The following MRPL13 variants were observed in gnomAD, a reference collection of about 807,000 sequenced individuals.
The protein encoded by MRPL13 is large ribosomal subunit protein uL13m.
In MRPL13, 33 loss-of-function variants were observed where a neutral mutation model predicts 29.0. That is an observed-to-expected ratio of 1.14 (90% CI 0.86 to 1.52). The LOEUF (loss-of-function observed/expected upper bound fraction) is 1.52. Ranked by LOEUF, MRPL13 falls within the 40% of genes most tolerant of loss-of-function variation. The pLI is 0.00. For missense variants in MRPL13, 227 were observed against 216.7 expected (o/e 1.05, Z -0.30); for synonymous variants, 77 against 68.4 (o/e 1.13, Z -0.62).
chr8:120,412,799 C>A (rs1812754625), intron 6 of MRPL13, among the ~76,000 whole-genome samples: 1 of 152,186 alleles, frequency 6.6e-6, no homozygotes, highest in Non-Finnish European at 1.5e-5. Context: ...CAAGAAGGGG[C>A]ATTCCAGCAG....
Position 120,419,860 on chromosome 8 carries a change from GA to G in MRPL13, c.384del (p.Pro129GlnfsTer13). The G allele has an allele frequency of 6.3e-7, 1 of 1,589,542 alleles. No homozygotes were observed. The highest frequency in any genetic ancestry group is 1.8e-5 in the Admixed American group (1 of 56,996). ...AATGACCACTGACTTACCTCATCTG[GA>G]AAAAGATGCAACCTTTCCATCATTG... ...RRTMMERLHL[F>X]PDEYIPEDIL... is the part of the protein sequence containing the mutation. On this transcript the variant is annotated frameshift_variant, in exon 5 of 7. Transcript: ENST00000306185. LOFTEE classifies it high-confidence loss of function.
intron 6 of MRPL13, among the ~76,000 whole-genome samples, chr8:120,406,555 ATGTGTGTGTGTGTG>A (rs72150915): frequency 4.1e-5 from 6 of 147,088 alleles, no homozygotes; most frequent in East Asian, 2.0e-4. Flanking sequence ...ATATGTGTGC[ATGTGTGTGTGTGTG>A]TGTGTGTGTG....
intron 2 of MRPL13, among the ~76,000 whole-genome samples, chr8:120,438,198 C>G (rs12546191): frequency 6.6e-6 from 1 of 151,756 alleles, no homozygotes; most frequent in Non-Finnish European, 1.5e-5. Flanking sequence ...CATGTCTCTA[C>G]GAAAACTACA....
At chr8:120,442,456 T>A (rs2130489716) in intron 2 of MRPL13, among the ~76,000 whole-genome samples, 2 of 152,310 alleles carry the variant, frequency 1.3e-5, no homozygotes, top group Admixed American at 1.3e-4. Flanking sequence ...ACCATTATAA[T>A]TGTTATGGTT....
intron 4 of MRPL13, among the ~76,000 whole-genome samples, chr8:120,423,519 T>C (rs538798828): frequency 2.2e-4 from 33 of 152,054 alleles, no homozygotes; most frequent in African/African-American, 7.2e-4. Context: ...AAAGAAACAA[T>C]TAAATCGACA....
intron 1 of MRPL13, 47 bp downstream of exon 1, chr8:120,445,018 CCTT>C (rs1156255786): frequency 6.2e-7 from 1 of 1,613,342 alleles, no homozygotes; most frequent in South Asian, 1.1e-5. Flanking sequence ...CCAACGCTCT[CCTT>C]CTGCCAGTAT....
At chr8:120,420,361 A>C (rs1454796428) in intron 4 of MRPL13, among the ~76,000 whole-genome samples, 3 of 150,760 alleles carry the variant, frequency 2.0e-5, no homozygotes, top group Non-Finnish European at 4.4e-5. Flanking sequence ...TACATGCAAA[A>C]GCTAATGGGT....
intron 5 of MRPL13, among the ~76,000 whole-genome samples, chr8:120,417,278 T>G (rs1176027159): frequency 6.6e-6 from 1 of 152,200 alleles, no homozygotes; most frequent in African/African-American, 2.4e-5. Context: ...TCCACCAGAT[T>G]TTATTAATGT....
chr8:120,403,886 C>T (rs1455603839), intron 6 of MRPL13, among the ~76,000 whole-genome samples: 2 of 152,124 alleles, frequency 1.3e-5, no homozygotes, highest in African/African-American at 4.8e-5. Context: ...TATTATTAAA[C>T]TCTGAGCAAC....
At chr8:120,404,841 C>T (rs940922839) in intron 6 of MRPL13, among the ~76,000 whole-genome samples, 4 of 152,136 alleles carry the variant, frequency 2.6e-5, no homozygotes, top group African/African-American at 7.2e-5. Context: ...AATTTGACTC[C>T]GGTGCTTGCA....
intron 6 of MRPL13, among the ~76,000 whole-genome samples, chr8:120,402,228 C>T (rs1586916955): frequency 6.6e-6 from 1 of 152,232 alleles, no homozygotes; most frequent in East Asian, 1.9e-4. Flanking sequence ...GCTGAAGGCA[C>T]TTCGCTACCC....
intron 6 of MRPL13, among the ~76,000 whole-genome samples, chr8:120,396,817 T>A (rs1221560909): frequency 6.6e-6 from 1 of 152,230 alleles, no homozygotes; most frequent in Non-Finnish European, 1.5e-5. Context: ...GTGTTGGGTT[T>A]CCATATGGAA....
At chr8:120,410,216 T>C (rs1707463911) in intron 6 of MRPL13, among the ~76,000 whole-genome samples, 1 of 152,212 alleles carries the variant, frequency 6.6e-6, no homozygotes. Flanking sequence ...CAAGCTATTT[T>C]TGTGGCTATA....
At chr8:120,404,397 A>G (rs1281289971) in intron 6 of MRPL13, among the ~76,000 whole-genome samples, 1 of 152,234 alleles carries the variant, frequency 6.6e-6, no homozygotes, top group East Asian at 1.9e-4. Flanking sequence ...ATAATCCACC[A>G]CATAAAGGAA....
At chr8:120,420,743 T>C (rs546160166) in intron 4 of MRPL13, among the ~76,000 whole-genome samples, 18 of 151,788 alleles carry the variant, frequency 1.2e-4, no homozygotes, top group Non-Finnish European at 2.1e-4. Context: ...AAGACTATCT[T>C]TTCTGGATAA....
At chr8:120,437,664 C>G (rs1048990639) in intron 2 of MRPL13, among the ~76,000 whole-genome samples, 1 of 152,084 alleles carries the variant, frequency 6.6e-6, no homozygotes, top group Admixed American at 6.6e-5. Flanking sequence ...GTTCCACATC[C>G]TTTCTACCTT....
chr8:120,413,987 T>C lies in MRPL13; in HGVS notation c.515+4A>G. ...AAAAAAACAAGAAGAAGGGAAACAC[T>C]TACGGAGTCCACAATCTTGGGAAGG... On this transcript the variant is annotated splice_donor_region_variant and intron_variant, in intron 6 of 6. Transcript: ENST00000306185. The C allele has an allele frequency of 6.5e-7, 1 of 1,547,252 alleles. No homozygotes were observed. The highest frequency in any genetic ancestry group is 8.7e-7 in the Non-Finnish European group (1 of 1,155,194).
chr8:120,396,100 T>C lies in MRPL13; in HGVS notation c.*4A>G, dbSNP rs1402958296. 2 of 1,584,138 alleles carry C rather than the reference T, an allele frequency of 1.3e-6. No individual in the cohort carries two copies. Among genetic ancestry groups the C allele is most frequent in the Admixed American group, 3.5e-5 (2 of 57,028 alleles). On this transcript the variant is annotated 3_prime_UTR_variant, in exon 7 of 7. Coordinates refer to ENST00000306185, the MANE Select transcript of MRPL13 (RefSeq NM_014078.6). Reference sequence around the variant, plus strand: ...CACTGTTATTTTCTGCAATTCTTATTCTCTTATAGCCGATAATCTTCAGGT... The same window carrying C: ...CACTGTTATTTTCTGCAATTCTTATCCTCTTATAGCCGATAATCTTCAGGT...
At chr8:120,431,928 C>T (rs1813000333) in intron 3 of MRPL13, 102 bp downstream of exon 3, 6 of 834,928 alleles carry the variant, frequency 7.2e-6, no homozygotes, top group Non-Finnish European at 8.6e-6. Context: ...GTAATAAATG[C>T]TGATTTTTAA....
Sources: gnomAD v4.1 joint callset for allele counts (sites outside exome capture counted in the v4.1 genomes callset) on GRCh38, gnomAD v4.1.1 for gene constraint, MANE v1.5 for transcripts, NCBI Gene and HGNC (gene_info 2026-07-23, HGNC 2026-07-21) for gene names.